Variants in EBF2 observed in about 807,000 individuals in gnomAD.
EBF2 encodes EBF transcription factor 2.
Under a neutral mutation model 72.8 loss-of-function variants are expected in EBF2, and 21 were observed. The ratio of observed to expected loss-of-function variants is 0.29; its 90% CI spans 0.20 to 0.42. The LOEUF is 0.42. Among genes scored for constraint, EBF2 ranks in the 10% least tolerant of loss-of-function variants. The pLI is 1.00. For synonymous variants in EBF2, 299 were observed against 274.2 expected (o/e 1.09, Z -0.89); for missense variants, 637 against 731.2 (o/e 0.87, Z 1.49).
chr8:26,041,614 T>G (rs2117267351), intron 2 of EBF2: 1 of 160,508 alleles, frequency 6.2e-6, no homozygotes, highest in South Asian at 1.9e-4. Flanking sequence ...AGCCCCCAAT[T>G]CCAGGCTTGA....
At chr8:25,899,022 TCACCTTATA>T (rs908316843) in intron 7 of EBF2, among the ~76,000 whole-genome samples, 5 of 152,276 alleles carry the variant, frequency 3.3e-5, no homozygotes, top group Admixed American at 2.6e-4. Context: ...TTTTCATTTC[TCACCTTATA>T]CTTTTACAAA....
intron 6 of EBF2, among the ~76,000 whole-genome samples, chr8:26,023,887 C>T (rs553922344): frequency 6.6e-6 from 1 of 152,228 alleles, no homozygotes; most frequent in South Asian, 2.1e-4. Flanking sequence ...AGCAGGTTCC[C>T]CTACTTCCAT....
intron 14 of EBF2, among the ~76,000 whole-genome samples, chr8:25,853,632 A>ATCTC (rs1442447811): frequency 1.3e-5 from 2 of 152,108 alleles, no homozygotes; most frequent in African/African-American, 4.8e-5. Context: ...CACTAATTCA[A>ATCTC]TCTCTAGAAA....
chr8:25,895,195 T>C (rs1294484715), intron 7 of EBF2, among the ~76,000 whole-genome samples: 1 of 152,238 alleles, frequency 6.6e-6, no homozygotes, highest in Non-Finnish European at 1.5e-5. Flanking sequence ...TCATGGTAAA[T>C]GACAGCTCTC....
intron 6 of EBF2, among the ~76,000 whole-genome samples, chr8:26,005,269 A>ATATATAAT (rs1804824208): frequency 1.7e-3 from 5 of 2,906 alleles, no homozygotes; most frequent in East Asian, 0.12. Flanking sequence ...ATAATATATA[A>ATATATAAT]TATATATAAT....
At chr8:25,993,068 G>A (rs1804570939) in intron 6 of EBF2, among the ~76,000 whole-genome samples, 1 of 151,952 alleles carries the variant, frequency 6.6e-6, no homozygotes, top group Admixed American at 6.6e-5. Context: ...AGTCCCTACG[G>A]ACACCAAAGG....
intron 6 of EBF2, among the ~76,000 whole-genome samples, chr8:25,938,212 CT>C (rs1323130254): frequency 6.6e-6 from 1 of 151,966 alleles, no homozygotes; most frequent in Non-Finnish European, 1.5e-5. Flanking sequence ...AAACTCACAG[CT>C]TGTCTTTAAT....
At chr8:26,023,460 C>T (rs1346043046) in intron 6 of EBF2, among the ~76,000 whole-genome samples, 6 of 152,216 alleles carry the variant, frequency 3.9e-5, no homozygotes, top group African/African-American at 7.2e-5. Context: ...CTAATAACCA[C>T]GTCCATCCAG....
intron 14 of EBF2, among the ~76,000 whole-genome samples, chr8:25,856,972 A>G (rs1399340802): frequency 6.6e-6 from 1 of 152,094 alleles, no homozygotes; most frequent in African/African-American, 2.4e-5. Context: ...GTTTCTTGTT[A>G]GACTCTGTTT....
At chr8:26,009,330 G>C (rs1384770772) in intron 6 of EBF2, among the ~76,000 whole-genome samples, 1 of 152,126 alleles carries the variant, frequency 6.6e-6, no homozygotes, top group Non-Finnish European at 1.5e-5. Context: ...ATACAAGTGA[G>C]CACCAGGGAA....
rs565937338 is a variant in EBF2, at chr8:26,044,592, C to A, written c.131+137G>T. ...AGCGATCTGCTTGCCCGAGGGCGAG[C>A]CCCAGCGCGCAGGGCCTGGGCGACA... On this transcript the variant is annotated intron_variant, in intron 1 of 15. Coordinates refer to ENST00000520164, the MANE Select transcript of EBF2 (RefSeq NM_022659.4). This position sits in a 1 kb window ranked among gnomAD's most constrained non-coding sequence, Gnocchi z 4.1. 1.8e-5 allele frequency: 24 copies of A among 1,313,172 alleles called. No homozygotes were observed. In the Admixed American group the frequency reaches 4.5e-4, roughly 25 times the overall value. The allele number at this position is 1,313,172 out of a possible 1,614,324, so 81.3% of individuals were successfully genotyped here. A position where few individuals can be genotyped will look rare whatever the true frequency, so the allele number is the denominator to read the frequency against.
chr8:26,020,933 G>A (rs143694669), intron 6 of EBF2, among the ~76,000 whole-genome samples: 24 of 152,274 alleles, frequency 1.6e-4, no homozygotes, highest in African/African-American at 4.1e-4. Flanking sequence ...TTGTTCAAGC[G>A]TCAGCCACAA....
intron 14 of EBF2, among the ~76,000 whole-genome samples, chr8:25,856,249 A>G (rs1159556338): frequency 6.6e-6 from 1 of 152,212 alleles, no homozygotes; most frequent in Non-Finnish European, 1.5e-5. Flanking sequence ...TTATGATTCA[A>G]CTTCATTCAT....
intron 6 of EBF2, among the ~76,000 whole-genome samples, chr8:25,972,658 G>A (rs1031966535): frequency 2.6e-5 from 4 of 152,144 alleles, no homozygotes; most frequent in African/African-American, 9.7e-5. Context: ...GTGATTTGCT[G>A]AGGGTCACAC....
chr8:25,895,879 C>T (rs1802856421), intron 7 of EBF2, among the ~76,000 whole-genome samples: 1 of 151,972 alleles, frequency 6.6e-6, no homozygotes, highest in Admixed American at 6.6e-5. Context: ...ATTTTTATAG[C>T]CCTTCTCTAA....
intron 6 of EBF2, among the ~76,000 whole-genome samples, chr8:26,006,551 T>C (rs1036355513): frequency 6.6e-6 from 1 of 152,212 alleles, no homozygotes; most frequent in Non-Finnish European, 1.5e-5. Flanking sequence ...TCCTTATGAC[T>C]CTATATTTAA....
intron 15 of EBF2, among the ~76,000 whole-genome samples, chr8:25,847,067 C>T (rs1585254336): frequency 6.6e-6 from 1 of 152,294 alleles, no homozygotes; most frequent in East Asian, 1.9e-4. Context: ...TTCAAGTCAT[C>T]AGACTTTTCC....
intron 7 of EBF2, among the ~76,000 whole-genome samples, chr8:25,891,470 G>T (rs1242192032): frequency 6.6e-6 from 1 of 152,054 alleles, no homozygotes; most frequent in Non-Finnish European, 1.5e-5. Context: ...GAAGAGTCGT[G>T]TTTAAAAATG....
chr8:25,918,225 C>T (rs1803256976), intron 6 of EBF2, among the ~76,000 whole-genome samples: 1 of 152,214 alleles, frequency 6.6e-6, no homozygotes, highest in East Asian at 1.9e-4. Context: ...TATGGGTTCA[C>T]TCTCCAATGA....
Sources: gnomAD v4.1 joint callset for allele counts (sites outside exome capture counted in the v4.1 genomes callset) on GRCh38, gnomAD v4.1.1 for gene constraint, Gnocchi (gnomAD v3.1) non-coding constraint, MANE v1.5 for transcripts, NCBI Gene and HGNC (gene_info 2026-07-23, HGNC 2026-07-21) for gene names.